ATXN7L1: variants seen among roughly 807,000 people sequenced by gnomAD.
ATXN7L1 encodes ataxin 7 like 1, also known as ataxin-7-like protein 1.
Under a neutral mutation model 70.8 loss-of-function variants are expected in ATXN7L1, and 15 were observed. The observed-to-expected ratio is 0.21, with a 90% CI of 0.14 to 0.33. ATXN7L1 has a LOEUF of 0.33. Ranked by LOEUF, ATXN7L1 falls within the 10% of genes least tolerant of loss-of-function variation. The probability of loss-of-function intolerance (pLI) is 1.00; values close to 1 mark genes in which losing one functional copy is unlikely to be tolerated. For synonymous variants in ATXN7L1, 440 were observed against 445.1 expected (o/e 0.99, Z 0.14); for missense variants, 975 against 1,097.1 (o/e 0.89, Z 1.57).
At position 105,833,669 on chromosome 7, in the gene ATXN7L1, A is replaced by T. The variant is rs115940615; in HGVS notation, c.250+42143T>A. ...AGTTAACATTTGTACATTTCACTGT[A>T]TGTAGTTTTTTCCTCAAAACAAAAA... On this transcript the variant is annotated intron_variant, in intron 2 of 11. Coordinates refer to ENST00000419735, the MANE Select transcript of ATXN7L1 (RefSeq NM_020725.2). 4.1e-3 allele frequency among the ~76,000 whole-genome samples: 628 copies of T among 152,368 alleles called. 3 individuals carry two copies. The highest frequency in any genetic ancestry group is 0.014 in the African/African-American group (583 of 41,598).
chr7:105,607,572 G>A lies in ATXN7L1; in HGVS notation c.*280C>T. Reference sequence around the variant, plus strand: ...TAGCAGCATCAGGAGCTAGGGGAGTGACCCCAAATTTGGAAGAATGTAAAA... The same window carrying A: ...TAGCAGCATCAGGAGCTAGGGGAGTAACCCCAAATTTGGAAGAATGTAAAA... On this transcript the variant is annotated 3_prime_UTR_variant, in exon 12 of 12. Coordinates refer to ENST00000419735, the MANE Select transcript of ATXN7L1 (RefSeq NM_020725.2). The A allele has an allele frequency of 2.0e-6, 1 of 490,846 alleles. No homozygotes were observed. Among genetic ancestry groups the A allele is most frequent in the Non-Finnish European group, 3.7e-6 (1 of 272,912 alleles). The allele number at this position is 490,846 out of a possible 1,614,324, so 30.4% of individuals were successfully genotyped here. A position where few individuals can be genotyped will look rare whatever the true frequency, so the allele number is the denominator to read the frequency against.
chr7:105,874,239 T>TAA (rs1444874733), intron 2 of ATXN7L1, among the ~76,000 whole-genome samples: 1 of 152,026 alleles, frequency 6.6e-6, no homozygotes, highest in African/African-American at 2.4e-5. Flanking sequence ...TTGTGTGTGA[T>TAA]AGTCATAACG....
At chr7:105,635,628 C>T (rs1797243145) in intron 7 of ATXN7L1, among the ~76,000 whole-genome samples, 1 of 152,198 alleles carries the variant, frequency 6.6e-6, no homozygotes, top group South Asian at 2.1e-4. Flanking sequence ...CATTCCAACC[C>T]TTGTTATCTA....
intron 3 of ATXN7L1, among the ~76,000 whole-genome samples, chr7:105,739,530 T>C (rs1176510933): frequency 2.0e-5 from 3 of 152,132 alleles, no homozygotes; most frequent in African/African-American, 7.2e-5. Context: ...CCAGAACCAC[T>C]GCCTTGCTCT....
rs1554414718 is a variant in ATXN7L1, at chr7:105,662,082, C to CG, written c.578+2983_578+2984insC. 9.2e-3 allele frequency among the ~76,000 whole-genome samples: 722 copies of CG among 78,800 alleles called. 8 individuals carry two copies. The highest frequency in any genetic ancestry group is 0.026 in the African/African-American group (669 of 26,220). 51.7% of individuals were successfully genotyped at this position (78,800 alleles called of 152,430 possible). ...TCCTTCCTTCCTTCCTTCCTTCCTTCTTTCTTTTCTTTTCTTTTCTTTTCT... is the reference window on the plus strand; with the variant it reads ...TCCTTCCTTCCTTCCTTCCTTCCTTCGTTTCTTTTCTTTTCTTTTCTTTTCT... On this transcript the variant is annotated intron_variant, in intron 4 of 11. Transcript: ENST00000419735.
chr7:105,803,282 T>C (rs1807088034), intron 2 of ATXN7L1, among the ~76,000 whole-genome samples: 1 of 152,232 alleles, frequency 6.6e-6, no homozygotes, highest in Non-Finnish European at 1.5e-5. Flanking sequence ...ACCACAGGGC[T>C]CTGAAAGAAA....
Position 105,658,458 on chromosome 7 carries a change from T to C in ATXN7L1, c.578+6608A>G, listed in dbSNP as rs150807280. Among the ~76,000 whole-genome samples, 57 of 151,678 alleles carry C rather than the reference T, an allele frequency of 3.8e-4. No homozygotes were observed. In the East Asian group the frequency reaches 0.01, roughly 27 times the overall value. ...ATATCTAAATATAGAAAAGCTATAGTAAAAATAGGGTATAATCATCTTATG... is the reference window on the plus strand; with the variant it reads ...ATATCTAAATATAGAAAAGCTATAGCAAAAATAGGGTATAATCATCTTATG... On this transcript the variant is annotated intron_variant, in intron 4 of 11. Coordinates refer to ENST00000419735, the MANE Select transcript of ATXN7L1 (RefSeq NM_020725.2).
chr7:105,750,448 G>C (rs572725141), intron 3 of ATXN7L1, among the ~76,000 whole-genome samples: 1 of 151,598 alleles, frequency 6.6e-6, no homozygotes, highest in Non-Finnish European at 1.5e-5. Flanking sequence ...GCTAATTTTT[G>C]ATTGTTTTGT....
intron 3 of ATXN7L1, among the ~76,000 whole-genome samples, chr7:105,779,308 A>C (rs1256095629): frequency 6.6e-6 from 1 of 152,248 alleles, no homozygotes; most frequent in Non-Finnish European, 1.5e-5. Context: ...GCACATAGTA[A>C]GTGCTCAGTA....
intron 3 of ATXN7L1, among the ~76,000 whole-genome samples, chr7:105,673,568 T>A (rs511220): frequency 0.42 from 63,265 of 152,100 alleles, 13,641 homozygotes; most frequent in African/African-American, 0.48. Flanking sequence ...ATCAGTGGGT[T>A]CAATCTGCTT....
In ATXN7L1 at chr7:105,733,521, T is replaced by TCCATCCATTCATCCATCCAC. The variant is rs1563048434; in HGVS notation, c.355+55082_355+55083insGTGGATGGATGAATGGATGG. On this transcript the variant is annotated intron_variant, in intron 3 of 11. Coordinates refer to ENST00000419735, the MANE Select transcript of ATXN7L1 (RefSeq NM_020725.2). ...ATCCATCCTTCCATCCATCCACCCA[T>TCCATCCATTCATCCATCCAC]CCATCCATCCATCCATCCACCCATC... Among the ~76,000 whole-genome samples, 259 of 116,140 alleles carry TCCATCCATTCATCCATCCAC rather than the reference T, an allele frequency of 2.2e-3. 9 individuals carry two copies. Among genetic ancestry groups the TCCATCCATTCATCCATCCAC allele is most frequent in the East Asian group, 6.7e-3 (24 of 3,586 alleles). The allele number at this position is 116,140 out of a possible 152,430, so 76.2% of individuals were successfully genotyped here.
intron 4 of ATXN7L1, among the ~76,000 whole-genome samples, chr7:105,648,249 T>C (rs1228749151): frequency 1.3e-5 from 2 of 152,180 alleles, no homozygotes; most frequent in Non-Finnish European, 2.9e-5. Context: ...GAGAAGAACC[T>C]AGAGCTGTCC....
At chr7:105,657,702 CAAA>C (rs71155465) in intron 4 of ATXN7L1, among the ~76,000 whole-genome samples, 53 of 26,102 alleles carry the variant, frequency 2.0e-3, no homozygotes, top group African/African-American at 8.4e-3. Context: ...GACCCTGTCT[CAAA>C]AAAAAAAAAA....
chr7:105,841,527 G>C (rs1345928752), intron 2 of ATXN7L1, among the ~76,000 whole-genome samples: 2 of 151,968 alleles, frequency 1.3e-5, no homozygotes, highest in Non-Finnish European at 2.9e-5. Flanking sequence ...ATCCCACCTG[G>C]GATATGAATC....
At chr7:105,804,471 T>A (rs1807276495) in intron 2 of ATXN7L1, among the ~76,000 whole-genome samples, 2 of 152,112 alleles carry the variant, frequency 1.3e-5, no homozygotes, top group Admixed American at 1.3e-4. Flanking sequence ...TAGGGAAAAT[T>A]AGCCTCTCAT....
In ATXN7L1 at chr7:105,607,220, T is replaced by C. The variant is rs1792796713; in HGVS notation, c.*632A>G. ...AAACGGCCACTGTTCTCAATCTCGC[T>C]TCTAGCATTTGGCTCCAGCCATGGT... is the stretch of plus-strand genomic sequence containing the variant. On this transcript the variant is annotated 3_prime_UTR_variant, in exon 12 of 12. Transcript: ENST00000419735. 1 of 152,968 alleles carries C rather than the reference T, an allele frequency of 6.5e-6. No individual in the cohort carries two copies. The highest frequency in any genetic ancestry group is 2.4e-5 in the African/African-American group (1 of 41,452). 9.5% of individuals were successfully genotyped at this position (152,968 alleles called of 1,614,324 possible).
intron 2 of ATXN7L1, among the ~76,000 whole-genome samples, chr7:105,803,225 G>C (rs1807077800): frequency 6.6e-6 from 1 of 152,242 alleles, no homozygotes; most frequent in South Asian, 2.1e-4. Flanking sequence ...TGCCATGGGA[G>C]GCCAGGGAGG....
In ATXN7L1 at chr7:105,606,018, T is replaced by C. The variant is rs1792749168; in HGVS notation, c.*1834A>G. On this transcript the variant is annotated 3_prime_UTR_variant, in exon 12 of 12. Transcript: ENST00000419735. ...GGGTCTAACCTTGTTTATAATTTCT[T>C]AAACATTTATAAGTCTTAAAATCTC... 1 of 152,042 alleles carries C rather than the reference T, an allele frequency of 6.6e-6. No individual in the cohort carries two copies. The highest frequency in any genetic ancestry group is 1.5e-5 in the Non-Finnish European group (1 of 68,012). 9.4% of individuals were successfully genotyped at this position (152,042 alleles called of 1,614,324 possible). A position where few individuals can be genotyped will look rare whatever the true frequency, so the allele number is the denominator to read the frequency against.
intron 3 of ATXN7L1, among the ~76,000 whole-genome samples, chr7:105,672,294 C>G (rs902827226): frequency 4.6e-5 from 7 of 151,848 alleles, no homozygotes; most frequent in Middle Eastern, 6.8e-3. Context: ...CCCTGCCCCC[C>G]CCAAAAAAGA....
Sources: allele counts gnomAD v4.1 joint callset (sites outside exome capture counted in the v4.1 genomes callset), GRCh38; gene constraint gnomAD v4.1.1; transcripts MANE v1.5; gene names NCBI Gene and HGNC (gene_info 2026-07-23, HGNC 2026-07-21).